The following DPEP2 variants were observed in gnomAD, a reference collection of about 807,000 sequenced individuals.
DPEP2 encodes the protein dipeptidase 2.
Under a neutral mutation model 51.8 loss-of-function variants are expected in DPEP2, and 45 were observed. The ratio of observed to expected loss-of-function variants is 0.87; its 90% CI spans 0.68 to 1.11. The LOEUF is 1.11. Among genes scored for constraint, DPEP2 ranks in the 50% most tolerant of loss-of-function variants. The pLI is 0.00. For synonymous variants in DPEP2, 255 were observed against 262.7 expected (o/e 0.97, Z 0.28); for missense variants, 604 against 631.9 (o/e 0.96, Z 0.47).
upstream of DPEP2, among the ~76,000 whole-genome samples, chr16:68,000,150 T>C (rs981055924): frequency 1.1e-4 from 17 of 152,236 alleles, no homozygotes; most frequent in African/African-American, 4.1e-4. Flanking sequence ...GGTAGGGCTG[T>C]TGAGGCAAGG....
chr16:67,991,269 C>T lies in DPEP2; in HGVS notation c.663-85G>A. 2 of 1,396,314 alleles carry T rather than the reference C, an allele frequency of 1.4e-6. No individual in the cohort carries two copies. Among genetic ancestry groups the T allele is most frequent in the Admixed American group, 2.0e-5 (1 of 50,548 alleles). The allele number at this position is 1,396,314 out of a possible 1,614,324, so 86.5% of individuals were successfully genotyped here. A position where few individuals can be genotyped will look rare whatever the true frequency, so the allele number is the denominator to read the frequency against. ...AGGCCCTACCCACCCTCCATCCCTG[C>T]ACCCCCCTGAAACAAAAACAGGGAT... On this transcript the variant is annotated intron_variant, in intron 5 of 10. Coordinates refer to ENST00000393847, the MANE Select transcript of DPEP2 (RefSeq NM_022355.4). This position sits in a 1 kb window ranked among gnomAD's most constrained non-coding sequence, Gnocchi z 5.1.
intron 1 of DPEP2, chr16:67,994,356 G>A (rs2032536528): frequency 8.1e-6 from 8 of 985,056 alleles, no homozygotes; most frequent in Non-Finnish European, 9.6e-6. Context: ...TCCCTTCCTT[G>A]ACGACAGGCC....
intron 8 of DPEP2, 135 bp downstream of exon 8, chr16:67,989,912 C>T (rs2031911491): frequency 2.3e-6 from 2 of 879,198 alleles, no homozygotes; most frequent in African/African-American, 1.7e-5. Context: ...GTGGCTGCAG[C>T]TCCATGTGAC....
rs1598264380 is a variant in DPEP2 at position 67,990,966 on chromosome 16, A to G, written c.764T>C (p.Met255Thr). The change falls in exon 7 of 11, where the codon ATG (methionine) becomes ACG (threonine). Residue 255 changes from methionine to threonine, a missense_variant. Transcript: ENST00000393847. ...TGAGACATGGGATAAGTCTACCATC[A>G]TGCCCAGGCGGTTCATTTCTGCCAC... ...KVVAEMNRLGMMVDLSHVSDA... is the reference protein window; with the variant it reads ...KVVAEMNRLGTMVDLSHVSDA... The G allele has an allele frequency of 6.2e-7, 1 of 1,614,190 alleles. No homozygotes were observed. The highest frequency in any genetic ancestry group is 2.2e-5 in the East Asian group (1 of 44,888).
At chr16:67,989,520 T>G in intron 8 of DPEP2, 122 bp from the exon 9 acceptor site, 1 of 981,078 alleles carries the variant, frequency 1.0e-6, no homozygotes, top group Non-Finnish European at 1.6e-6. Context: ...AATTCCTTTA[T>G]GGCCTGCCAC....
rs780357249 is a variant in DPEP2 at position 67,990,095 on chromosome 16, T to C, written c.946A>G (p.Met316Val). ...GATGGGTTGCACTGTATTACTCCCA[T>C]GGACAAAGACACCATCACGACGCCA... ...NGGVVMVSLS[M>V]GVIQCNPSAN... is the part of the protein sequence containing the mutation. The change falls in exon 8 of 11, where the codon ATG (methionine) becomes GTG (valine). Residue 316 changes from methionine to valine, a missense_variant. Physicochemically the swap from Met to Val is conservative, Grantham distance 21 (BLOSUM62 1). Coordinates refer to ENST00000393847, the MANE Select transcript of DPEP2 (RefSeq NM_022355.4). The C allele has an allele frequency of 1.2e-6, 2 of 1,614,156 alleles. No homozygotes were observed. Among genetic ancestry groups the C allele is most frequent in the Non-Finnish European group, 1.7e-6 (2 of 1,180,020 alleles).
chr16:67,989,608 G>C (rs905898651), intron 8 of DPEP2, among the ~76,000 whole-genome samples: 1 of 152,228 alleles, frequency 6.6e-6, no homozygotes, highest in Non-Finnish European at 1.5e-5. Context: ...CAGGTTTGGA[G>C]TGGATCCACA....
chr16:67,995,917 T>C (rs1037477131), intron 1 of DPEP2, among the ~76,000 whole-genome samples: 1 of 151,924 alleles, frequency 6.6e-6, no homozygotes, highest in Non-Finnish European at 1.5e-5. Flanking sequence ...TGAGCCGAGA[T>C]TGGGCCACTG....
chr16:67,989,445 C>T (rs148409237), intron 8 of DPEP2, 47 bp from the exon 9 acceptor site: 1 of 1,600,894 alleles, frequency 6.2e-7, no homozygotes, highest in Admixed American at 1.7e-5. Flanking sequence ...GCTTCCAGGG[C>T]AGGGGTGCCA....
intron 1 of DPEP2, chr16:67,999,157 ACACT>A (rs1296139517): frequency 6.5e-6 from 1 of 154,304 alleles, no homozygotes; most frequent in East Asian, 1.9e-4. Context: ...ATGAGCTTTA[ACACT>A]CACCGCGAAG....
upstream of DPEP2, chr16:68,000,334 C>T (rs142528323): frequency 8.0e-5 from 50 of 622,046 alleles, 1 homozygote; most frequent in African/African-American, 9.6e-4. Context: ...CGCCCCTACT[C>T]ATCTCCAGTG....
intron 1 of DPEP2, 38 bp from the exon 2 acceptor site, chr16:67,993,295 AG>A: frequency 7.4e-7 from 1 of 1,357,000 alleles, no homozygotes; most frequent in South Asian, 1.8e-5. Context: ...GCGACGATGG[AG>A]TCCCGACCCT....
chr16:67,993,283 G>A lies in DPEP2; in HGVS notation c.-45-26C>T, dbSNP rs551773260. The stretch of plus-strand genomic sequence containing the variant: ...CTGAGAGGGGCGGGCGAGGGGCAGA[G>A]CGCGACGATGGAGTCCCGACCCTCG... On this transcript the variant is annotated intron_variant, in intron 1 of 10. Coordinates refer to ENST00000393847, the MANE Select transcript of DPEP2 (RefSeq NM_022355.4). 3.8e-5 allele frequency: 52 copies of A among 1,377,012 alleles called. No homozygotes were observed. In the East Asian group the frequency reaches 1.5e-3, roughly 39 times the overall value. 85.3% of individuals were successfully genotyped at this position (1,377,012 alleles called of 1,614,324 possible).
intron 7 of DPEP2, 41 bp downstream of exon 7, chr16:67,990,780 G>A (rs779240021): frequency 1.3e-6 from 2 of 1,588,838 alleles, no homozygotes; most frequent in Non-Finnish European, 1.7e-6. Flanking sequence ...CTCCTGGTTT[G>A]AACCTCTTGC....
chr16:67,998,366 C>G (rs983521029), intron 1 of DPEP2, among the ~76,000 whole-genome samples: 1 of 152,178 alleles, frequency 6.6e-6, no homozygotes, highest in Non-Finnish European at 1.5e-5. Context: ...GGGCCAGTGG[C>G]TGCGGAGGAT....
At chr16:67,994,251 C>G in intron 1 of DPEP2, 1 of 985,566 alleles carries the variant, frequency 1.0e-6, no homozygotes, top group African/African-American at 1.7e-5. Flanking sequence ...AGTAAGGGGC[C>G]TGAGGAAAGC....
At chr16:67,992,925 T>A in intron 2 of DPEP2, 25 bp downstream of exon 2, 10 of 1,595,906 alleles carry the variant, frequency 6.3e-6, no homozygotes, top group Non-Finnish European at 7.7e-6. Context: ...TCAGCTCCCA[T>A]CGCCCCCTTG....
chr16:67,997,379 T>C (rs1434475465), intron 1 of DPEP2, among the ~76,000 whole-genome samples: 1 of 145,556 alleles, frequency 6.9e-6, no homozygotes, highest in Admixed American at 6.9e-5. Flanking sequence ...TATTTTGAGA[T>C]GGAATCTCGC....
intron 9 of DPEP2, among the ~76,000 whole-genome samples, chr16:67,988,578 G>A (rs1196188266): frequency 6.6e-6 from 1 of 151,034 alleles, no homozygotes; most frequent in East Asian, 1.9e-4. Context: ...ACTCCAGGCT[G>A]GGCAACAGAG....
Sources: gnomAD v4.1 joint callset for allele counts (sites outside exome capture counted in the v4.1 genomes callset) on GRCh38, gnomAD v4.1.1 for gene constraint, Gnocchi (gnomAD v3.1) non-coding constraint, MANE v1.5 for transcripts, NCBI Gene and HGNC (gene_info 2026-07-23, HGNC 2026-07-21) for gene names.